The following TMEM132B variants were observed in gnomAD, a reference collection of about 807,000 sequenced individuals.
TMEM132B encodes transmembrane protein 132B.
TMEM132B carries 18 observed loss-of-function variants against 90.8 expected under a neutral mutation model. That is an observed-to-expected ratio of 0.20 (90% CI 0.14 to 0.29). The LOEUF (loss-of-function observed/expected upper bound fraction) is 0.29. TMEM132B is among the 10% of genes least tolerant of loss of function. TMEM132B has a pLI of 1.00. For synonymous variants in TMEM132B, 504 were observed against 523.3 expected, an observed-to-expected ratio of 0.96 and a Z score of 0.50; for missense variants, 1,096 against 1,326.8, an observed-to-expected ratio of 0.83 and a Z score of 2.70.
chr12:125,614,814 A>G (rs1770837312), intron 5 of TMEM132B, among the ~76,000 whole-genome samples: 1 of 152,170 alleles, frequency 6.6e-6, no homozygotes, highest in Non-Finnish European at 1.5e-5. Flanking sequence ...TGTCTAGGTA[A>G]CTTGCTTTCA....
At chr12:125,221,190 T>C (rs989736143) in intron 1 of TMEM132B, among the ~76,000 whole-genome samples, 1 of 152,270 alleles carries the variant, frequency 6.6e-6, no homozygotes, top group African/African-American at 2.4e-5. Flanking sequence ...GGATGTCAGC[T>C]TTATGAGAGC....
chr12:125,283,188 T>C (rs933140483), intron 1 of TMEM132B, among the ~76,000 whole-genome samples: 3 of 152,166 alleles, frequency 2.0e-5, no homozygotes, highest in African/African-American at 7.2e-5. Flanking sequence ...GCAAATCCTT[T>C]TGTAAAATGC....
At position 125,557,540 on chromosome 12, in the gene TMEM132B, A is replaced by G. The variant is rs1409630421; in HGVS notation, c.1294-26311A>G. Among the ~76,000 whole-genome samples, 3 of 152,276 alleles carry G rather than the reference A, an allele frequency of 2.0e-5. No individual in the cohort carries two copies. The East Asian group carries it at 5.8e-4, about 29-fold the overall frequency. On this transcript the variant is annotated intron_variant, in intron 4 of 8. Coordinates refer to ENST00000682704, the MANE Select transcript of TMEM132B (RefSeq NM_001366854.1). Reference sequence around the variant, plus strand: ...ATCTATTATCACTAATCTATCTACTATCCATATTAAGTAAAATGCCAATTC... The same window carrying G: ...ATCTATTATCACTAATCTATCTACTGTCCATATTAAGTAAAATGCCAATTC...
At chr12:125,402,517 A>G (rs1369589121) in intron 2 of TMEM132B, among the ~76,000 whole-genome samples, 1 of 152,244 alleles carries the variant, frequency 6.6e-6, no homozygotes, top group East Asian at 1.9e-4. Flanking sequence ...CCCTGGCTTC[A>G]TTCTCTTTGT....
At chr12:125,227,766 A>G (rs968512465) in intron 1 of TMEM132B, among the ~76,000 whole-genome samples, 26 of 152,046 alleles carry the variant, frequency 1.7e-4, no homozygotes, top group Non-Finnish European at 2.6e-4. Flanking sequence ...GTGAGTTTCA[A>G]TGTGGCCATC....
intron 5 of TMEM132B, among the ~76,000 whole-genome samples, chr12:125,630,822 T>C (rs755295937): frequency 5.9e-5 from 9 of 152,134 alleles, no homozygotes; most frequent in Non-Finnish European, 1.3e-4. Flanking sequence ...CTGACACTTA[T>C]AAGTGAGAAC....
intron 1 of TMEM132B, among the ~76,000 whole-genome samples, chr12:125,202,892 C>G (rs1346263422): frequency 2.0e-5 from 3 of 152,184 alleles, no homozygotes; most frequent in Non-Finnish European, 4.4e-5. Flanking sequence ...CTGATATGAA[C>G]TTGATCATGA....
chr12:125,463,457 C>A (rs1334898875), intron 3 of TMEM132B, among the ~76,000 whole-genome samples: 1 of 152,198 alleles, frequency 6.6e-6, no homozygotes, highest in Admixed American at 6.5e-5. Flanking sequence ...TAACTATTCA[C>A]ATTTTTCATT....
intron 1 of TMEM132B, among the ~76,000 whole-genome samples, chr12:125,334,842 G>A (rs769442647): frequency 6.6e-6 from 1 of 152,208 alleles, no homozygotes; most frequent in Non-Finnish European, 1.5e-5. Context: ...CAAAGCAAAA[G>A]TTCAAAGACA....
At chr12:125,432,965 G>A (rs10846888) in intron 3 of TMEM132B, among the ~76,000 whole-genome samples, 72,893 of 151,898 alleles carry the variant, frequency 0.48, 20,339 homozygotes, top group African/African-American at 0.77. Flanking sequence ...CCTCAGAGTG[G>A]AATGCCAATT....
chr12:125,418,926 A>G (rs2136371079), intron 3 of TMEM132B, among the ~76,000 whole-genome samples: 1 of 152,328 alleles, frequency 6.6e-6, no homozygotes, highest in African/African-American at 2.4e-5. Context: ...AACAGATAAC[A>G]CTGAACCAAG....
At position 125,656,734 on chromosome 12, in the gene TMEM132B, A is replaced by T. The variant is rs1196029198; in HGVS notation, c.*2024A>T. ...AAAGAGTTTGGTGCAGAGGTAGCTC[A>T]GAGCCAACCATCCAGGACCGAAGAA... On this transcript the variant is annotated 3_prime_UTR_variant, in exon 9 of 9. Coordinates refer to ENST00000682704, the MANE Select transcript of TMEM132B (RefSeq NM_001366854.1). The T allele has an allele frequency of 6.6e-6, 1 of 151,350 alleles. No individual in the cohort carries two copies. Among genetic ancestry groups the T allele is most frequent in the Non-Finnish European group, 1.5e-5 (1 of 67,660 alleles). 9.4% of individuals were successfully genotyped at this position (151,350 alleles called of 1,614,324 possible). A position where few individuals can be genotyped will look rare whatever the true frequency, so the allele number is the denominator to read the frequency against.
At chr12:125,214,973 G>A (rs1468094735) in intron 1 of TMEM132B, among the ~76,000 whole-genome samples, 2 of 152,142 alleles carry the variant, frequency 1.3e-5, no homozygotes, top group Admixed American at 1.3e-4. Context: ...TTCTAATGAG[G>A]AAGCCTCTTC....
At chr12:125,533,167 T>G (rs919337446) in intron 4 of TMEM132B, among the ~76,000 whole-genome samples, 1 of 152,166 alleles carries the variant, frequency 6.6e-6, no homozygotes, top group Non-Finnish European at 1.5e-5. Context: ...CTGTAAAAAG[T>G]GTAATATAAT....
chr12:125,467,843 T>C (rs1198253608), intron 3 of TMEM132B, among the ~76,000 whole-genome samples: 1 of 152,252 alleles, frequency 6.6e-6, no homozygotes, highest in Non-Finnish European at 1.5e-5. Flanking sequence ...TTCATGTAAA[T>C]GGAATTATAA....
At chr12:125,496,767 AAGG>A (rs1352910838) in intron 3 of TMEM132B, among the ~76,000 whole-genome samples, 2 of 152,108 alleles carry the variant, frequency 1.3e-5, no homozygotes, top group Admixed American at 1.3e-4. Context: ...TCCCCTCCAG[AAGG>A]AGGTCAAGTG....
chr12:125,479,535 AG>A (rs1176303350), intron 3 of TMEM132B, among the ~76,000 whole-genome samples: 2 of 152,238 alleles, frequency 1.3e-5, no homozygotes, highest in Non-Finnish European at 2.9e-5. Flanking sequence ...ATAATGGTAA[AG>A]GGAACAATTC....
intron 1 of TMEM132B, among the ~76,000 whole-genome samples, chr12:125,216,829 G>A (rs1047299625): frequency 6.6e-6 from 1 of 152,174 alleles, no homozygotes; most frequent in South Asian, 2.1e-4. Flanking sequence ...CCAGGGGCTC[G>A]GGTGGGTCCA....
intron 4 of TMEM132B, among the ~76,000 whole-genome samples, chr12:125,564,504 G>C (rs757561): frequency 0.95 from 144,987 of 152,292 alleles, 69,060 homozygotes; most frequent in African/African-American, 0.98. Context: ...GGATGTGCAG[G>C]CTTCTCTTCT....
Sources: allele counts gnomAD v4.1 joint callset (sites outside exome capture counted in the v4.1 genomes callset), GRCh38; gene constraint gnomAD v4.1.1; transcripts MANE v1.5; gene names NCBI Gene and HGNC (gene_info 2026-07-23, HGNC 2026-07-21).